Variants in SLC6A15 observed in about 807,000 individuals in gnomAD.
SLC6A15 encodes sodium-dependent neutral amino acid transporter B(0)AT2.
Under a neutral mutation model 68.5 loss-of-function variants are expected in SLC6A15, and 33 were observed. That is an observed-to-expected ratio of 0.48 (90% CI 0.37 to 0.64). The LOEUF (loss-of-function observed/expected upper bound fraction) is 0.64. Ranked by LOEUF, SLC6A15 falls within the 30% of genes least tolerant of loss-of-function variation. The pLI is 0.00. For synonymous variants in SLC6A15, 347 were observed against 301.0 expected, an observed-to-expected ratio of 1.15 and a Z score of -1.58; for missense variants, 747 against 874.3, an observed-to-expected ratio of 0.85 and a Z score of 1.84.
At chr12:84,900,057 T>C (rs1225558193) in intron 1 of SLC6A15, among the ~76,000 whole-genome samples, 1 of 152,080 alleles carries the variant, frequency 6.6e-6, no homozygotes, top group Non-Finnish European at 1.5e-5. Flanking sequence ...TTACATTGAT[T>C]TCATTGATCT....
chr12:84,882,306 T>A, intron 5 of SLC6A15: 1 of 985,378 alleles, frequency 1.0e-6, no homozygotes, highest in Non-Finnish European at 1.2e-6. Context: ...AATGTGGCTC[T>A]GACATAGTGG....
intron 1 of SLC6A15, among the ~76,000 whole-genome samples, chr12:84,911,302 G>A (rs968595077): frequency 6.6e-6 from 1 of 152,224 alleles, no homozygotes; most frequent in South Asian, 2.1e-4. Context: ...GTCTTAAGTA[G>A]TGAACCGCAA....
chr12:84,908,994 T>C (rs1873309666), intron 1 of SLC6A15, among the ~76,000 whole-genome samples: 1 of 152,144 alleles, frequency 6.6e-6, no homozygotes, highest in Non-Finnish European at 1.5e-5. Context: ...TTCCAACAAA[T>C]TATTTTGTAT....
rs573107367 is a variant in SLC6A15, at chr12:84,889,415, G to A, written c.289+2417C>T. On this transcript the variant is annotated intron_variant, in intron 2 of 11. Coordinates refer to ENST00000266682, the MANE Select transcript of SLC6A15 (RefSeq NM_182767.6). ...TGAGGCAGGAGAATGGCATGAACCC[G>A]GGAGGCGGAGCTTGCAGTGAGCAGA... Among the ~76,000 whole-genome samples, 33 of 151,278 alleles carry A rather than the reference G, an allele frequency of 2.2e-4. No individual in the cohort carries two copies. The East Asian group carries it at 3.5e-3, about 16-fold the overall frequency.
At chr12:84,903,984 T>C (rs1280825531) in intron 1 of SLC6A15, among the ~76,000 whole-genome samples, 2 of 152,190 alleles carry the variant, frequency 1.3e-5, no homozygotes, top group Non-Finnish European at 2.9e-5. Context: ...TTTGATCTTT[T>C]ATAGTTATTT....
chr12:84,911,108 G>A (rs1401694224), intron 1 of SLC6A15, among the ~76,000 whole-genome samples: 2 of 152,156 alleles, frequency 1.3e-5, no homozygotes, highest in East Asian at 1.9e-4. Flanking sequence ...GCAGAAATGA[G>A]GTTGGGTGGG....
Position 84,883,936 on chromosome 12 carries a change from T to C in SLC6A15, c.679A>G (p.Lys227Glu), listed in dbSNP as rs1871952249. 1.2e-6 allele frequency: 2 copies of C among 1,614,038 alleles called. No homozygotes were observed. The highest frequency in any genetic ancestry group is 1.1e-5 in the South Asian group (1 of 91,084). The change falls in exon 5 of 12, where the codon AAG becomes GAG. Residue 227 changes from lysine to glutamate, a missense_variant. Physicochemically the swap from Lys to Glu is moderately conservative, Grantham distance 56 (BLOSUM62 1). Transcript: ENST00000266682. ...SISESGGLNW[K>E]MTICLLAAWV... ...GCAGCCAACAAGCAGATGGTCATCT[T>C]CCAGTTTAAGCCCCCACTTTCAGAA...
intron 11 of SLC6A15, 135 bp from the exon 12 acceptor site, chr12:84,862,141 T>A: frequency 2.4e-6 from 2 of 843,892 alleles, no homozygotes; most frequent in Non-Finnish European, 3.6e-6. Context: ...TAGAAAGCAG[T>A]AGAAGTGACA....
intron 10 of SLC6A15, among the ~76,000 whole-genome samples, chr12:84,864,790 T>C (rs757079658): frequency 5.9e-5 from 9 of 152,194 alleles, no homozygotes; most frequent in Non-Finnish European, 1.3e-4. Context: ...TTTTGATGTA[T>C]ATCTTAATCT....
At chr12:84,897,140 C>T (rs1190641670) in intron 1 of SLC6A15, among the ~76,000 whole-genome samples, 1 of 151,958 alleles carries the variant, frequency 6.6e-6, no homozygotes, top group African/African-American at 2.4e-5. Context: ...TTGCAGGCAG[C>T]GGTTGCAGAG....
Position 84,859,896 on chromosome 12 carries a change from T to A in SLC6A15, c.*1736A>T, listed in dbSNP as rs528127499. On this transcript the variant is annotated 3_prime_UTR_variant, in exon 12 of 12. Transcript: ENST00000266682. ...ATTTCCAGAAGGATACAGAAGAAAC[T>A]GGCAATGGTGATTGCCTTTAAAGAT... 4.6e-5 allele frequency: 7 copies of A among 152,160 alleles called. No individual in the cohort carries two copies. Among genetic ancestry groups the A allele is most frequent in the African/African-American group, 1.7e-4 (7 of 41,568 alleles). The allele number at this position is 152,160 out of a possible 1,614,324, so 9.4% of individuals were successfully genotyped here. A position where few individuals can be genotyped will look rare whatever the true frequency, so the allele number is the denominator to read the frequency against.
At chr12:84,909,178 T>G (rs1873321243) in intron 1 of SLC6A15, among the ~76,000 whole-genome samples, 1 of 152,178 alleles carries the variant, frequency 6.6e-6, no homozygotes, top group African/African-American at 2.4e-5. Context: ...TACTGTCTTC[T>G]GTATAACAAA....
At chr12:84,908,601 CATATATATAT>C (rs3084056) in intron 1 of SLC6A15, among the ~76,000 whole-genome samples, 1 of 140,502 alleles carries the variant, frequency 7.1e-6, no homozygotes. Context: ...AGTAAAGAAA[CATATATATAT>C]ATATATATAT....
intron 1 of SLC6A15, among the ~76,000 whole-genome samples, chr12:84,896,019 TA>T (rs1229367419): frequency 1.3e-5 from 2 of 152,174 alleles, no homozygotes; most frequent in Non-Finnish European, 2.9e-5. Flanking sequence ...GATAGAGTGA[TA>T]AAGTATCAGT....
chr12:84,871,296 C>A, intron 8 of SLC6A15, among the ~76,000 whole-genome samples: 1 of 149,712 alleles, frequency 6.7e-6, no homozygotes, highest in African/African-American at 2.4e-5. Flanking sequence ...TTCTGATATT[C>A]CTACCTCCCT....
intron 4 of SLC6A15, among the ~76,000 whole-genome samples, chr12:84,885,126 GA>G (rs1390618158): frequency 6.6e-6 from 1 of 151,896 alleles, no homozygotes; most frequent in African/African-American, 2.4e-5. Context: ...TAGTTTTAAT[GA>G]AAATGTAAGG....
rs1365215305 is a variant in SLC6A15, at chr12:84,859,834, G to C, written c.*1798C>G. The C allele has an allele frequency of 6.6e-6, 1 of 151,972 alleles. No homozygotes were observed. The highest frequency in any genetic ancestry group is 1.5e-5 in the Non-Finnish European group (1 of 67,888). 9.4% of individuals were successfully genotyped at this position (151,972 alleles called of 1,614,324 possible). A position where few individuals can be genotyped will look rare whatever the true frequency, so the allele number is the denominator to read the frequency against. Reference sequence around the variant, plus strand: ...ACAGAAATAGGTAAGATATAGAAGAGAGAATATAGAATGCTGTCATTTATG... The same window carrying C: ...ACAGAAATAGGTAAGATATAGAAGACAGAATATAGAATGCTGTCATTTATG... On this transcript the variant is annotated 3_prime_UTR_variant, in exon 12 of 12. Coordinates refer to ENST00000266682, the MANE Select transcript of SLC6A15 (RefSeq NM_182767.6).
intron 1 of SLC6A15, among the ~76,000 whole-genome samples, chr12:84,905,614 G>C (rs1873105508): frequency 6.6e-6 from 1 of 152,114 alleles, no homozygotes; most frequent in Non-Finnish European, 1.5e-5. Context: ...CATTGTTGAA[G>C]GACCTCCCAC....
At chr12:84,864,106 T>C (rs1011339854) in intron 10 of SLC6A15, among the ~76,000 whole-genome samples, 2 of 151,204 alleles carry the variant, frequency 1.3e-5, no homozygotes, top group African/African-American at 4.8e-5. Flanking sequence ...TTCCTAATAA[T>C]TTTACTATTA....
Sources: allele counts gnomAD v4.1 joint callset (sites outside exome capture counted in the v4.1 genomes callset), GRCh38; gene constraint gnomAD v4.1.1; transcripts MANE v1.5; gene names NCBI Gene and HGNC (gene_info 2026-07-23, HGNC 2026-07-21).